The following ZNF536 variants were observed in gnomAD, a reference collection of about 807,000 sequenced individuals.
The protein encoded by ZNF536 is zinc finger protein 536.
A neutral mutation model predicts 84.5 loss-of-function variants in ZNF536; 13 were observed. The ratio of observed to expected loss-of-function variants is 0.15; its 90% CI spans 0.10 to 0.24. The LOEUF is 0.24. Ranked by LOEUF, ZNF536 falls within the 10% of genes least tolerant of loss-of-function variation. ZNF536 has a pLI of 1.00. For missense variants in ZNF536, 1,536 were observed against 1,747.5 expected (o/e 0.88, Z 2.16); for synonymous variants, 811 against 742.5 (o/e 1.09, Z -1.50).
chr19:30,486,218 C>A (rs1454758021), intron 2 of ZNF536, among the ~76,000 whole-genome samples: 1 of 152,210 alleles, frequency 6.6e-6, no homozygotes, highest in Non-Finnish European at 1.5e-5. Context: ...TTAAGCCCAG[C>A]ATGCATTAGC....
Position 30,393,137 on chromosome 19 carries a change from G to A in ZNF536, c.-3+20581G>A, listed in dbSNP as rs114518046. 4.9e-3 allele frequency among the ~76,000 whole-genome samples: 744 copies of A among 152,166 alleles called. 4 individuals are homozygous for A. Among genetic ancestry groups the A allele is most frequent in the African/African-American group, 0.017 (700 of 41,494 alleles). On this transcript the variant is annotated intron_variant, in intron 1 of 4. Coordinates refer to ENST00000355537, the MANE Select transcript of ZNF536 (RefSeq NM_014717.3). Reference sequence around the variant, plus strand: ...GAACAATCCCCTGTATCATTTATTCGTCCATCCACTCATTCATTCACTCAA... The same window carrying A: ...GAACAATCCCCTGTATCATTTATTCATCCATCCACTCATTCATTCACTCAA...
chr19:30,419,171 A>T (rs925431094), intron 1 of ZNF536, among the ~76,000 whole-genome samples: 1 of 152,174 alleles, frequency 6.6e-6, no homozygotes, highest in East Asian at 1.9e-4. Context: ...TTGAAATGTT[A>T]TCATGGGCAT....
At chr19:30,505,628 C>T (rs1371257044) in intron 2 of ZNF536, among the ~76,000 whole-genome samples, 1 of 151,974 alleles carries the variant, frequency 6.6e-6, no homozygotes, top group Admixed American at 6.6e-5. Flanking sequence ...ACTATGACTC[C>T]TTTACTGTGG....
intron 2 of ZNF536, among the ~76,000 whole-genome samples, chr19:30,501,584 G>C (rs974486049): frequency 6.6e-6 from 1 of 152,152 alleles, no homozygotes; most frequent in African/African-American, 2.4e-5. Flanking sequence ...GAGCAGTCAG[G>C]AGCTCATCTG....
At chr19:30,332,532 C>G (rs2047246488) in intron 2 of ZNF536, among the ~76,000 whole-genome samples, 1 of 152,148 alleles carries the variant, frequency 6.6e-6, no homozygotes, top group Admixed American at 6.5e-5. Flanking sequence ...CTCTGCCAGG[C>G]CCTGTCTCAA....
intron 4 of ZNF536, among the ~76,000 whole-genome samples, chr19:30,553,479 T>C (rs1361363471): frequency 6.6e-6 from 1 of 152,180 alleles, no homozygotes; most frequent in Non-Finnish European, 1.5e-5. Flanking sequence ...GGTGTGGAGT[T>C]GTTGTGTGCC....
At chr19:30,636,475 G>C (rs139440335) in intron 1 of ZNF536, among the ~76,000 whole-genome samples, 1 of 152,262 alleles carries the variant, frequency 6.6e-6, no homozygotes, top group African/African-American at 2.4e-5. Context: ...TGTTCTTCAA[G>C]TAAGAGGCTC....
intron 1 of ZNF536, among the ~76,000 whole-genome samples, chr19:30,242,295 A>G (rs1208625356): frequency 6.6e-6 from 1 of 152,184 alleles, no homozygotes; most frequent in Non-Finnish European, 1.5e-5. Flanking sequence ...GCTGTCTCAC[A>G]GGGTAGTTCC....
At chr19:30,426,430 T>C (rs1450756782) in intron 1 of ZNF536, among the ~76,000 whole-genome samples, 1 of 152,228 alleles carries the variant, frequency 6.6e-6, no homozygotes, top group Non-Finnish European at 1.5e-5. Flanking sequence ...TGTGTTTTTA[T>C]ATGGGGGAAG....
chr19:30,507,676 G>C (rs929785285), intron 2 of ZNF536, among the ~76,000 whole-genome samples: 2 of 152,150 alleles, frequency 1.3e-5, no homozygotes, highest in Admixed American at 1.3e-4. Context: ...AGAAGGTTAA[G>C]AGATTACTAG....
At chr19:30,339,167 C>T (rs530674236) in intron 2 of ZNF536, among the ~76,000 whole-genome samples, 1 of 152,236 alleles carries the variant, frequency 6.6e-6, no homozygotes, top group South Asian at 2.1e-4. Flanking sequence ...TGTTCTGGAG[C>T]AGTGAAAAAA....
At chr19:30,423,237 G>A (rs62101948) in intron 1 of ZNF536, among the ~76,000 whole-genome samples, 5 of 150,178 alleles carry the variant, frequency 3.3e-5, no homozygotes, top group Non-Finnish European at 5.9e-5. Context: ...TCCTCCACCC[G>A]CCCATTCACA....
At chr19:30,621,632 T>C (rs8109458) in intron 1 of ZNF536, among the ~76,000 whole-genome samples, 5,693 of 152,360 alleles carry the variant, frequency 0.037, 149 homozygotes, top group Middle Eastern at 0.065. Context: ...ATAAAGTAAC[T>C]ATGTTTTTGT....
intron 1 of ZNF536, among the ~76,000 whole-genome samples, chr19:30,639,133 T>C (rs1724262777): frequency 6.6e-6 from 1 of 152,236 alleles, no homozygotes; most frequent in African/African-American, 2.4e-5. Context: ...TTCCTGGTGT[T>C]CCTGGTAATT....
chr19:30,399,661 A>G (rs975420623), intron 1 of ZNF536, among the ~76,000 whole-genome samples: 7 of 145,400 alleles, frequency 4.8e-5, no homozygotes, highest in Non-Finnish European at 7.5e-5. Flanking sequence ...TCCCAACACC[A>G]TTTATTAAAT....
intron 1 of ZNF536, among the ~76,000 whole-genome samples, chr19:30,274,125 C>T (rs919271908): frequency 5.3e-5 from 8 of 152,112 alleles, no homozygotes; most frequent in Non-Finnish European, 7.3e-5. Flanking sequence ...AAGATAGTTC[C>T]GTTAGAAGTG....
chr19:30,258,246 C>T (rs1380915408), intron 1 of ZNF536, among the ~76,000 whole-genome samples: 1 of 152,172 alleles, frequency 6.6e-6, no homozygotes, highest in Non-Finnish European at 1.5e-5. Context: ...AATTCACCTC[C>T]AAGCCACTTC....
intron 1 of ZNF536, among the ~76,000 whole-genome samples, chr19:30,615,244 C>G (rs1287239984): frequency 6.6e-6 from 1 of 150,758 alleles, no homozygotes; most frequent in Non-Finnish European, 1.5e-5. Flanking sequence ...CGCGCCCGGC[C>G]TCAATTTTTG....
At chr19:30,254,333 C>T (rs1283700628) in intron 1 of ZNF536, among the ~76,000 whole-genome samples, 1 of 152,124 alleles carries the variant, frequency 6.6e-6, no homozygotes, top group African/African-American at 2.4e-5. Flanking sequence ...CTGTACCACT[C>T]AATTACAGAA....
Sources: gnomAD v4.1 joint callset for allele counts (sites outside exome capture counted in the v4.1 genomes callset) on GRCh38, gnomAD v4.1.1 for gene constraint, MANE v1.5 for transcripts, NCBI Gene and HGNC (gene_info 2026-07-23, HGNC 2026-07-21) for gene names.